The following TCHP variants were observed in gnomAD, a reference collection of about 807,000 sequenced individuals.
The protein encoded by TCHP is trichoplein keratin filament-binding protein.
Under a neutral mutation model 88.7 loss-of-function variants are expected in TCHP, and 81 were observed. The observed-to-expected ratio is 0.91, with a 90% CI of 0.76 to 1.10. The LOEUF is 1.10. Among genes scored for constraint, TCHP ranks in the 50% least tolerant of loss-of-function variants. The pLI, the probability that TCHP is intolerant of heterozygous loss-of-function variation, is 0.00. For missense variants in TCHP, 641 were observed against 632.1 expected (o/e 1.01, Z -0.15); for synonymous variants, 232 against 232.5 (o/e 1.00, Z 0.02).
intron 11 of TCHP, chr12:109,915,200 T>G: frequency 1.5e-6 from 1 of 672,532 alleles, no homozygotes; most frequent in East Asian, 2.7e-5. Flanking sequence ...GCATACAGCC[T>G]CTCCAGCTTT....
the TCHP span, among the ~76,000 whole-genome samples, chr12:109,882,025 A>T: frequency 6.6e-6 from 1 of 152,066 alleles, no homozygotes; most frequent in African/African-American, 2.4e-5. Flanking sequence ...GGTTGGGAAC[A>T]CAACACAATG....
intron 3 of TCHP, among the ~76,000 whole-genome samples, chr12:109,904,369 C>G (rs1348530105): frequency 6.6e-6 from 1 of 152,178 alleles, no homozygotes; most frequent in African/African-American, 2.4e-5. Flanking sequence ...AGTGCTTTTC[C>G]TTTCTTCCAG....
the TCHP span, among the ~76,000 whole-genome samples, chr12:109,884,896 C>T: frequency 6.6e-6 from 1 of 152,218 alleles, no homozygotes; most frequent in Non-Finnish European, 1.5e-5. Flanking sequence ...AGGAAATTCA[C>T]CCTGATGTAC....
At chr12:109,884,237 G>A in the TCHP span, among the ~76,000 whole-genome samples, 21 of 151,760 alleles carry the variant, frequency 1.4e-4, no homozygotes, top group Non-Finnish European at 2.6e-4. Flanking sequence ...CACCCAGGCT[G>A]GAGTGCAGTG....
At chr12:109,915,931 C>T (rs1215691917) in intron 12 of TCHP, among the ~76,000 whole-genome samples, 1 of 152,118 alleles carries the variant, frequency 6.6e-6, no homozygotes, top group Non-Finnish European at 1.5e-5. Flanking sequence ...CTCCTCCTCA[C>T]CTCCCCTCCC....
chr12:109,915,637 G>A (rs921493324), intron 12 of TCHP, 91 bp downstream of exon 12: 6 of 1,419,752 alleles, frequency 4.2e-6, no homozygotes, highest in Non-Finnish European at 4.7e-6. Context: ...CCCCGCGCCG[G>A]GGTCTGCTCT....
the TCHP span, among the ~76,000 whole-genome samples, chr12:109,895,062 C>T: frequency 6.6e-6 from 1 of 152,056 alleles, no homozygotes; most frequent in African/African-American, 2.4e-5. Context: ...GGAGAATGGA[C>T]TATGTCAAGG....
the TCHP span, among the ~76,000 whole-genome samples, chr12:109,890,564 C>T: frequency 1.3e-5 from 2 of 150,778 alleles, no homozygotes; most frequent in African/African-American, 4.9e-5. Flanking sequence ...GGCTGGAGTG[C>T]AGTGGCGTGA....
chr12:109,882,428 TAA>T, the TCHP span, among the ~76,000 whole-genome samples: 3,681 of 98,304 alleles, frequency 0.037, 182 homozygotes, highest in African/African-American at 0.12. Context: ...AGACTCCGTC[TAA>T]AAAAAAAAAA....
upstream of TCHP, among the ~76,000 whole-genome samples, chr12:109,896,935 GATATAGAT>G (rs1291655378): frequency 1.3e-5 from 2 of 151,990 alleles, no homozygotes; most frequent in Non-Finnish European, 2.9e-5. Flanking sequence ...TATATAGATA[GATATAGAT>G]ATATAGATAG....
At chr12:109,889,373 T>C in the TCHP span, among the ~76,000 whole-genome samples, 85 of 151,478 alleles carry the variant, frequency 5.6e-4, no homozygotes, top group African/African-American at 1.9e-3. Context: ...CTCAGGAAGC[T>C]GAGGCAGGAG....
At chr12:109,883,143 C>T in the TCHP span, among the ~76,000 whole-genome samples, 1 of 151,162 alleles carries the variant, frequency 6.6e-6, no homozygotes, top group Non-Finnish European at 1.5e-5. Flanking sequence ...AAGGGATTCT[C>T]CCGCCTCAGT....
At chr12:109,902,766 A>G (rs1043792986) in intron 1 of TCHP, among the ~76,000 whole-genome samples, 1 of 152,196 alleles carries the variant, frequency 6.6e-6, no homozygotes, top group Non-Finnish European at 1.5e-5. Context: ...GAGCCACGGC[A>G]AATTTAAAAG....
At position 109,904,107 on chromosome 12, in the gene TCHP, A is replaced by G; in HGVS notation, c.359A>G (p.His120Arg). The G allele has an allele frequency of 6.3e-7, 1 of 1,588,288 alleles. No homozygotes were observed. The highest frequency in any genetic ancestry group is 1.1e-5 in the South Asian group (1 of 87,330). Residue 120 changes from histidine (H) to arginine (R), a missense_variant, in exon 3 of 13, where the codon CAC becomes CGC. Transcript: ENST00000405876. Reference sequence around the variant, plus strand: ...CAGGAAAGAAGAATCCGGGAGCAGCACGGGAAGCTGAAATCAGCCAAAGAA... The same window carrying G: ...CAGGAAAGAAGAATCCGGGAGCAGCGCGGGAAGCTGAAATCAGCCAAAGAA... ...NLQERRIREQ[H>R]GKLKSAKEEQ...
At chr12:109,908,766 C>A in intron 7 of TCHP, 68 bp downstream of exon 7, 1 of 1,554,900 alleles carries the variant, frequency 6.4e-7, no homozygotes, top group Non-Finnish European at 8.8e-7. Context: ...GACTTGCATT[C>A]GTGTTGCTGA....
chr12:109,909,285 A>AT (rs1870347267), intron 8 of TCHP, among the ~76,000 whole-genome samples: 1 of 152,242 alleles, frequency 6.6e-6, no homozygotes, highest in African/African-American at 2.4e-5. Flanking sequence ...GGATAGATAC[A>AT]GGTATCAAAA....
intron 9 of TCHP, 88 bp downstream of exon 9, chr12:109,911,323 A>G (rs1870481093): frequency 2.9e-6 from 2 of 697,088 alleles, no homozygotes; most frequent in Non-Finnish European, 2.3e-6. Context: ...TTACTGAAAT[A>G]TCTATTGGCT....
rs138539549 is a variant in TCHP at position 109,901,752 on chromosome 12, T to C, written c.1-1275T>C. Among the ~76,000 whole-genome samples, 41 of 152,386 alleles carry C rather than the reference T, an allele frequency of 2.7e-4. 1 individual carries two copies. Among genetic ancestry groups the C allele is most frequent in the African/African-American group, 8.4e-4 (35 of 41,602 alleles). On this transcript the variant is annotated intron_variant, in intron 1 of 12. Coordinates refer to ENST00000405876, the MANE Select transcript of TCHP (RefSeq NM_001143852.2). ...TTTAATTTTTGCATGTTTTTACTTA[T>C]GTAGAATTGTTGCATCTGAGCTCCC...
Position 109,917,700 on chromosome 12 carries a change from C to G in TCHP, c.*1077C>G, listed in dbSNP as rs1296456850. 3 of 152,560 alleles carry G rather than the reference C, an allele frequency of 2.0e-5. No homozygotes were observed. The East Asian group carries it at 5.8e-4, about 29-fold the overall frequency. 9.5% of individuals were successfully genotyped at this position (152,560 alleles called of 1,614,324 possible). On this transcript the variant is annotated 3_prime_UTR_variant, in exon 13 of 13. Transcript: ENST00000405876. ...TCATTTCTACAAACAGGAACAAGTT[C>G]CTTGCAGCAATAATATTATTTTATG...
Sources: gnomAD v4.1 joint callset for allele counts (sites outside exome capture counted in the v4.1 genomes callset) on GRCh38, gnomAD v4.1.1 for gene constraint, MANE v1.5 for transcripts, NCBI Gene and HGNC (gene_info 2026-07-23, HGNC 2026-07-21) for gene names.